Variants in EXOC5 observed in about 807,000 individuals in gnomAD.
EXOC5 encodes the protein exocyst complex component 5.
Under a neutral mutation model 90.8 loss-of-function variants are expected in EXOC5, and 17 were observed. The observed-to-expected ratio is 0.19, with a 90% CI of 0.13 to 0.28. The LOEUF (loss-of-function observed/expected upper bound fraction) is 0.28, where lower values mean the gene tolerates loss of function less well. Among genes scored for constraint, EXOC5 ranks in the 10% least tolerant of loss-of-function variants. EXOC5 has a pLI of 1.00. For synonymous variants in EXOC5, 260 were observed against 270.0 expected (o/e 0.96, Z 0.36); for missense variants, 569 against 830.6 (o/e 0.69, Z 3.87).
At chr14:57,252,144 C>T (rs1342356646) in intron 1 of EXOC5, among the ~76,000 whole-genome samples, 2 of 152,162 alleles carry the variant, frequency 1.3e-5, no homozygotes, top group Admixed American at 6.5e-5. Flanking sequence ...AAAACTAACA[C>T]CAAGCCTTCT....
chr14:57,266,276 T>G (rs6573140), intron 1 of EXOC5, among the ~76,000 whole-genome samples: 36,431 of 152,122 alleles, frequency 0.24, 10,461 homozygotes, highest in African/African-American at 0.69. Context: ...CCCGTGACTC[T>G]TACTACAACC....
chr14:57,251,840 G>C (rs1884206453), intron 1 of EXOC5, among the ~76,000 whole-genome samples: 1 of 151,700 alleles, frequency 6.6e-6, no homozygotes, highest in Non-Finnish European at 1.5e-5. Flanking sequence ...AAGGGAGAAG[G>C]CTCAAATTAC....
chr14:57,212,684 TCTG>T (rs1261642122), intron 15 of EXOC5, among the ~76,000 whole-genome samples: 1 of 152,230 alleles, frequency 6.6e-6, no homozygotes, highest in Non-Finnish European at 1.5e-5. Context: ...AAGGAATTTC[TCTG>T]CTGCTTCATG....
At chr14:57,226,816 T>C (rs1883322055) in intron 12 of EXOC5, among the ~76,000 whole-genome samples, 1 of 152,196 alleles carries the variant, frequency 6.6e-6, no homozygotes, top group Admixed American at 6.5e-5. Flanking sequence ...CACAATACTG[T>C]ATAACTTAAC....
Position 57,201,390 on chromosome 14 carries a change from CAT to C in EXOC5, c.*7217_*7218del, listed in dbSNP as rs1882493080. On this transcript the variant is annotated 3_prime_UTR_variant, in exon 18 of 18. Transcript: ENST00000621441. The stretch of plus-strand genomic sequence containing the variant: ...TTAGTTGAACAGAAAACTATGAATA[CAT>C]AGTGATATCAAGAGAATTCTGATTA... 6.7e-6 allele frequency: 1 copy of C among 149,834 alleles called. No homozygotes were observed. The highest frequency in any genetic ancestry group is 1.5e-5 in the Non-Finnish European group (1 of 67,684). 9.3% of individuals were successfully genotyped at this position (149,834 alleles called of 1,614,324 possible). A position where few individuals can be genotyped will look rare whatever the true frequency, so the allele number is the denominator to read the frequency against.
chr14:57,230,093 C>T (rs902980499), intron 11 of EXOC5, among the ~76,000 whole-genome samples: 9 of 152,104 alleles, frequency 5.9e-5, no homozygotes, highest in African/African-American at 2.2e-4. Flanking sequence ...ATTTGGACTT[C>T]TAATTTCTGA....
chr14:57,244,038 T>C, intron 4 of EXOC5, 127 bp downstream of exon 4: 1 of 636,390 alleles, frequency 1.6e-6, no homozygotes, highest in Non-Finnish European at 2.8e-6. Flanking sequence ...TTCAGAACAA[T>C]AAAAACTTTT....
chr14:57,264,926 T>C (rs1229898722), intron 1 of EXOC5, among the ~76,000 whole-genome samples: 2 of 152,150 alleles, frequency 1.3e-5, no homozygotes, highest in Non-Finnish European at 2.9e-5. Flanking sequence ...TTAATTCTAT[T>C]TTCCAAAATA....
At chr14:57,268,036 T>C (rs1884740269) in intron 1 of EXOC5, among the ~76,000 whole-genome samples, 1 of 151,944 alleles carries the variant, frequency 6.6e-6, no homozygotes, top group African/African-American at 2.4e-5. Context: ...CTCTCTTCAG[T>C]CGAAAGAGAT....
chr14:57,245,779 G>A (rs1223866459), intron 3 of EXOC5, among the ~76,000 whole-genome samples: 1 of 152,118 alleles, frequency 6.6e-6, no homozygotes, highest in Non-Finnish European at 1.5e-5. Context: ...AAGGCCAGGA[G>A]CAGTAGCTCA....
rs1219161788 is a variant in EXOC5 at position 57,202,946 on chromosome 14, G to A, written c.*5663C>T. ...TGGAGAACTTAAGAGAGGCACTTAG[G>A]TATTATTCCTTATAAAATATTTTCA... On this transcript the variant is annotated 3_prime_UTR_variant, in exon 18 of 18. Transcript: ENST00000621441. The A allele has an allele frequency of 6.6e-6, 1 of 152,076 alleles. No individual in the cohort carries two copies. Among genetic ancestry groups the A allele is most frequent in the East Asian group, 1.9e-4 (1 of 5,198 alleles). The allele number at this position is 152,076 out of a possible 1,614,324, so 9.4% of individuals were successfully genotyped here.
At chr14:57,256,722 A>C (rs1884358865) in intron 1 of EXOC5, among the ~76,000 whole-genome samples, 3 of 152,184 alleles carry the variant, frequency 2.0e-5, no homozygotes, top group Admixed American at 2.0e-4. Context: ...TCAGATGCAA[A>C]GAGACACTTC....
At chr14:57,267,474 T>A (rs768798602) in intron 1 of EXOC5, among the ~76,000 whole-genome samples, 1 of 152,200 alleles carries the variant, frequency 6.6e-6, no homozygotes, top group African/African-American at 2.4e-5. Flanking sequence ...CCACAAAAAC[T>A]GCTGAATCTT....
intron 11 of EXOC5, among the ~76,000 whole-genome samples, chr14:57,231,051 C>T (rs2139634472): frequency 6.6e-6 from 1 of 151,230 alleles, no homozygotes; most frequent in African/African-American, 2.4e-5. Context: ...CTGTGTCGCC[C>T]AGGCTGGAGT....
rs1480348990 is a variant in EXOC5 at position 57,237,903 on chromosome 14, C to T, written c.531-537G>A. The stretch of plus-strand genomic sequence containing the variant: ...CAAATGATAAGACCCAGCAATGTGC[C>T]TAGCAGAGTAGCCATTCAATCTTTA... On this transcript the variant is annotated intron_variant, in intron 5 of 17. Transcript: ENST00000621441. Among the ~76,000 whole-genome samples the T allele has an allele frequency of 2.0e-5, 3 of 152,080 alleles. No individual in the cohort carries two copies. The East Asian group carries it at 5.8e-4, about 29-fold the overall frequency.
chr14:57,219,124 G>A (rs1392686257), intron 14 of EXOC5, among the ~76,000 whole-genome samples, 198 bp downstream of exon 14: 2 of 152,020 alleles, frequency 1.3e-5, no homozygotes, highest in African/African-American at 4.8e-5. Flanking sequence ...AGTGGAAAGA[G>A]AAAACAGAAA....
At chr14:57,251,953 C>T (rs1450157202) in intron 1 of EXOC5, among the ~76,000 whole-genome samples, 16 of 151,934 alleles carry the variant, frequency 1.1e-4, no homozygotes, top group Non-Finnish European at 1.8e-4. Context: ...AATTTGATAA[C>T]CTAGATGAAA....
chr14:57,214,141 T>G (rs955051200), intron 15 of EXOC5, among the ~76,000 whole-genome samples: 2 of 152,182 alleles, frequency 1.3e-5, no homozygotes, highest in Non-Finnish European at 2.9e-5. Context: ...CGTGGGGCAT[T>G]GTGAGCCACC....
chr14:57,242,692 C>T (rs992031456), intron 4 of EXOC5, among the ~76,000 whole-genome samples: 2 of 152,082 alleles, frequency 1.3e-5, no homozygotes, highest in Non-Finnish European at 2.9e-5. Context: ...CTTTTCTTTC[C>T]ATTGGGAAGG....
Sources: gnomAD v4.1 joint callset for allele counts (sites outside exome capture counted in the v4.1 genomes callset) on GRCh38, gnomAD v4.1.1 for gene constraint, MANE v1.5 for transcripts, NCBI Gene and HGNC (gene_info 2026-07-23, HGNC 2026-07-21) for gene names.